AAMDC: variants seen among roughly 807,000 people sequenced by gnomAD.
AAMDC encodes mth938 domain-containing protein.
Under a neutral mutation model 15.5 loss-of-function variants are expected in AAMDC, and 16 were observed. The observed-to-expected ratio is 1.03, with a 90% CI of 0.70 to 1.57. The LOEUF is 1.57. Among genes scored for constraint, AAMDC ranks in the 40% most tolerant of loss-of-function variants. The pLI is 0.00. For missense variants in AAMDC, 141 were observed against 144.9 expected (o/e 0.97, Z 0.14); for synonymous variants, 51 against 51.6 (o/e 0.99, Z 0.05).
intron 5 of AAMDC, among the ~76,000 whole-genome samples, chr11:77,896,162 A>G (rs1304989605): frequency 6.6e-6 from 1 of 152,206 alleles, no homozygotes; most frequent in Non-Finnish European, 1.5e-5. Flanking sequence ...AAAGGATATT[A>G]CATTGACAAA....
At chr11:77,873,281 T>C (rs1300882386), downstream of AAMDC, among the ~76,000 whole-genome samples, 2 of 152,196 alleles carry the variant, frequency 1.3e-5, no homozygotes, top group Non-Finnish European at 2.9e-5. Context: ...TCATTGTAGG[T>C]ATTAAATGAG....
intron 1 of AAMDC, among the ~76,000 whole-genome samples, chr11:77,838,320 T>A (rs1428159022): frequency 6.6e-6 from 1 of 152,204 alleles, no homozygotes; most frequent in Non-Finnish European, 1.5e-5. Context: ...GTAGATATGG[T>A]TAACATCTAC....
chr11:77,869,769 G>C lies in AAMDC; in HGVS notation c.180G>C (p.Lys60Asn). The C allele has an allele frequency of 6.2e-7, 1 of 1,614,006 alleles. No individual in the cohort carries two copies. Among genetic ancestry groups the C allele is most frequent in the Non-Finnish European group, 8.5e-7 (1 of 1,179,922 alleles). ...QPADVKEVVE[K>N]GVQTLVIGRG... ...CAGATGTGAAGGAAGTTGTTGAGAA[G>C]GGTGTACAGACTCTTGTGATTGGCC... Residue 60 changes from lysine (K) to asparagine (N), a missense_variant, in exon 3 of 4, where the codon AAG becomes AAC. By Grantham distance (94) the Lys-to-Asn change is moderately conservative. Transcript: ENST00000393427.
At chr11:77,900,114 T>C (rs1184585301) in intron 5 of AAMDC, among the ~76,000 whole-genome samples, 18 of 147,694 alleles carry the variant, frequency 1.2e-4, no homozygotes, top group Non-Finnish European at 2.7e-4. Context: ...TTTTTTTTTA[T>C]ATAAAGATGG....
intron 2 of AAMDC, among the ~76,000 whole-genome samples, chr11:77,869,449 G>A (rs535622995): frequency 5.9e-5 from 9 of 151,366 alleles, no homozygotes; most frequent in Admixed American, 4.6e-4. Context: ...GAGTAGCTGG[G>A]ACTACAAGCA....
chr11:77,895,385 T>C (rs1952465583), intron 5 of AAMDC, among the ~76,000 whole-genome samples: 1 of 151,458 alleles, frequency 6.6e-6, no homozygotes, highest in African/African-American at 2.4e-5. Flanking sequence ...TCTCCATGAG[T>C]AGACTTTGTA....
intron 1 of AAMDC, among the ~76,000 whole-genome samples, chr11:77,832,179 A>AC: frequency 6.6e-6 from 1 of 152,226 alleles, no homozygotes; most frequent in East Asian, 1.9e-4. Context: ...CACACTGACA[A>AC]TAGTTAACTG....
chr11:77,825,317 T>G (rs1484810743), intron 1 of AAMDC, among the ~76,000 whole-genome samples: 1 of 151,936 alleles, frequency 6.6e-6, no homozygotes, highest in Non-Finnish European at 1.5e-5. Context: ...GCTCAGTAAA[T>G]GTATATTGAG....
chr11:77,886,336 G>C (rs1355011545), intron 5 of AAMDC, among the ~76,000 whole-genome samples: 1 of 152,194 alleles, frequency 6.6e-6, no homozygotes, highest in African/African-American at 2.4e-5. Flanking sequence ...TTAGAAACCT[G>C]TGGCCCAAGT....
chr11:77,868,092 A>G (rs1053673731), intron 2 of AAMDC, among the ~76,000 whole-genome samples: 2 of 130,140 alleles, frequency 1.5e-5, no homozygotes, highest in African/African-American at 6.0e-5. Context: ...GTCTCGTTCT[A>G]TCGCCCAGGC....
downstream of AAMDC, among the ~76,000 whole-genome samples, chr11:77,876,162 A>T (rs1230960547): frequency 6.6e-6 from 1 of 152,140 alleles, no homozygotes; most frequent in Non-Finnish European, 1.5e-5. Flanking sequence ...TGTATGAGGG[A>T]TGAGGAAGGA....
chr11:77,878,929 T>A, intron 5 of AAMDC: 1 of 1,605,820 alleles, frequency 6.2e-7, no homozygotes, highest in Non-Finnish European at 8.5e-7. Flanking sequence ...TAGGCCACGG[T>A]TGGGAAGACT....
chr11:77,902,496 C>T (rs1431300759), downstream of AAMDC, among the ~76,000 whole-genome samples: 1 of 152,148 alleles, frequency 6.6e-6, no homozygotes, highest in African/African-American at 2.4e-5. Flanking sequence ...AAAACAGATT[C>T]TGGGTATCAG....
At chr11:77,825,041 C>T (rs1356561207) in intron 1 of AAMDC, among the ~76,000 whole-genome samples, 3 of 152,086 alleles carry the variant, frequency 2.0e-5, no homozygotes, top group Middle Eastern at 3.2e-3. Context: ...AGTGCAGTGA[C>T]GCGATCTCAG....
At chr11:77,887,665 A>G (rs1220544141) in intron 5 of AAMDC, among the ~76,000 whole-genome samples, 5 of 152,190 alleles carry the variant, frequency 3.3e-5, no homozygotes, top group Non-Finnish European at 7.3e-5. Flanking sequence ...TTGTATATCT[A>G]GAAAACCCCA....
downstream of AAMDC, chr11:77,876,917 G>A: frequency 1.4e-6 from 1 of 701,964 alleles, no homozygotes. Context: ...ATGGGCTCAG[G>A]CAGCAGCCAT....
chr11:77,876,209 T>C (rs988095718), downstream of AAMDC, among the ~76,000 whole-genome samples: 2 of 152,168 alleles, frequency 1.3e-5, no homozygotes, highest in Non-Finnish European at 2.9e-5. Flanking sequence ...CTCTGACTGC[T>C]GGGTGCATGC....
rs368402326 is a variant in AAMDC, at chr11:77,891,772, C to T, written c.329-8799C>T. The T allele has an allele frequency of 4.0e-5, 64 of 1,611,918 alleles. No homozygotes were observed. In the Admixed American group the frequency reaches 4.7e-4, roughly 12 times the overall value. ...TTCTGCAGGTTTGGATGTCATGAGT[C>T]GGGGCATAAGGTCAAGGAGTTTGTC... On this transcript the variant is annotated intron_variant, in intron 5 of 5. Coordinates refer to the AAMDC transcript ENST00000304716.
At chr11:77,886,037 C>T (rs1468108912) in intron 5 of AAMDC, among the ~76,000 whole-genome samples, 1 of 151,816 alleles carries the variant, frequency 6.6e-6, no homozygotes, top group Non-Finnish European at 1.5e-5. Flanking sequence ...CCCCCAATCT[C>T]CACACAAAAA....
Sources: allele counts gnomAD v4.1 joint callset (sites outside exome capture counted in the v4.1 genomes callset), GRCh38; gene constraint gnomAD v4.1.1; transcripts MANE v1.5; gene names NCBI Gene and HGNC (gene_info 2026-07-23, HGNC 2026-07-21).